Variants in FASN observed in about 807,000 individuals in gnomAD.
FASN encodes the protein 3-hydroxyacyl-[acyl-carrier-protein] dehydratase.
FASN carries 50 observed loss-of-function variants against 250.0 expected under a neutral mutation model. That is an observed-to-expected ratio of 0.20 (90% confidence interval 0.16 to 0.25). The LOEUF (loss-of-function observed/expected upper bound fraction) is 0.25. FASN is among the 10% of genes least tolerant of loss of function. FASN has a pLI of 1.00. For missense variants in FASN, 3,031 were observed against 3,498.5 expected, an observed-to-expected ratio of 0.87 and a Z score of 3.37; for synonymous variants, 1,909 against 1,584.0, an observed-to-expected ratio of 1.21 and a Z score of -4.87.
Position 82,083,182 on chromosome 17 carries a change from G to A in FASN, c.5565+20C>T, listed in dbSNP as rs371754153. Reference sequence around the variant, plus strand: ...GACCAGAGCCTGGGGTGCCCGAGGCGCCGGGACTCCTCCCCTCACCTGCAC... The same window carrying A: ...GACCAGAGCCTGGGGTGCCCGAGGCACCGGGACTCCTCCCCTCACCTGCAC... On this transcript the variant is annotated intron_variant, in intron 32 of 42. Coordinates refer to ENST00000306749, the MANE Select transcript of FASN (RefSeq NM_004104.5). 38 of 1,611,670 alleles carry A rather than the reference G, an allele frequency of 2.4e-5. No individual in the cohort carries two copies. The highest frequency in any genetic ancestry group is 1.1e-4 in the African/African-American group (8 of 74,910).
intron 8 of FASN, 53 bp from the exon 9 acceptor site, chr17:82,091,737 T>A: frequency 6.8e-7 from 1 of 1,480,272 alleles, no homozygotes; most frequent in Non-Finnish European, 9.1e-7. Context: ...TACCACTGCC[T>A]GAGCTGGGGG....
Position 82,082,575 on chromosome 17 carries a change from G to T in FASN, c.5871C>A (p.Ala1957=). ...CCACGGGCCCAAGCTGCGCCGCCTC[G>T]GCAATGAGGCCCCGGGCCCCCTCCA... ...SSLEGARGLI[A]EAAQLGPVGG... Residue 1957 remains alanine, a synonymous_variant, in exon 34 of 43, where the codon GCC becomes GCA. Transcript: ENST00000306749. 1 of 1,609,518 alleles carries T rather than the reference G, an allele frequency of 6.2e-7. No homozygotes were observed.
chr17:82,080,947 G>T (rs1455239125), intron 38 of FASN, 25 bp from the exon 39 acceptor site: 2 of 1,573,524 alleles, frequency 1.3e-6, no homozygotes, highest in Admixed American at 3.7e-5. Flanking sequence ...GCAGATGCCA[G>T]GCTGGTCTGG....
chr17:82,081,782 G>A lies in FASN; in HGVS notation c.6225C>T (p.Thr2075=). 1 of 1,612,462 alleles carries A rather than the reference G, an allele frequency of 6.2e-7. No individual in the cohort carries two copies. Among genetic ancestry groups the A allele is most frequent in the Non-Finnish European group, 8.5e-7 (1 of 1,179,976 alleles). ...GCGTGCCACTGACGATCGTGTCGTT[G>A]GTGCTCATCGTCTCCACCAAAATGC... ...DVGILVETMS[T]NDTIVSGTLP... is the part of the protein sequence containing the mutation. The change falls in exon 37 of 43, where the codon ACC becomes ACT. Residue 2075 remains threonine (T), a synonymous_variant. Coordinates refer to ENST00000306749, the MANE Select transcript of FASN (RefSeq NM_004104.5).
In FASN at chr17:82,084,277, C is replaced by A; in HGVS notation, c.4876G>T (p.Val1626Phe). 1 of 1,611,852 alleles carries A rather than the reference C, an allele frequency of 6.2e-7. No homozygotes were observed. Among genetic ancestry groups the A allele is most frequent in the Non-Finnish European group, 8.5e-7 (1 of 1,179,560 alleles). Residue 1626 changes from valine (V) to phenylalanine (F), a missense_variant, in exon 28 of 43, where the codon GTC becomes TTC. By Grantham distance (50) the Val-to-Phe change is conservative. Coordinates refer to ENST00000306749, the MANE Select transcript of FASN (RefSeq NM_004104.5). The part of the protein sequence containing the change: ...LVPAKGLATS[V>F]LLSPDFLWDV... ...CAGAGGAAGTCCGGTGACAGCAGGACAGAGGTGGCCAGGCCCTTGGCAGGC... is the reference window on the plus strand; with the variant it reads ...CAGAGGAAGTCCGGTGACAGCAGGAAAGAGGTGGCCAGGCCCTTGGCAGGC...
Position 82,079,380 on chromosome 17 carries a change from C to T in FASN, c.7375G>A (p.Gly2459Ser). Residue 2459 changes from glycine (G) to serine (S), a missense_variant, in exon 42 of 43, where the codon GGC becomes AGC. By Grantham distance (56) the Gly-to-Ser change is moderately conservative. Transcript: ENST00000306749. Reference protein sequence around the residue: ...KTGGAYGEDLGADYNLSQVCD... With the variant: ...KTGGAYGEDLSADYNLSQVCD... ...ACCTGGGAGAGGTTGTAGTCCGCGC[C>T]CAGGTCCTCGCCGTAGGCGCCACCC... 1.2e-6 allele frequency: 2 copies of T among 1,612,984 alleles called. No homozygotes were observed. Among genetic ancestry groups the T allele is most frequent in the Non-Finnish European group, 1.7e-6 (2 of 1,179,994 alleles).
chr17:82,091,719 AC>A lies in FASN; in HGVS notation c.1030-36del, dbSNP rs530073963. 1.9e-4 allele frequency: 294 copies of A among 1,522,526 alleles called. No homozygotes were observed. In the African/African-American group the frequency reaches 3.6e-3, roughly 18 times the overall value. 94.3% of individuals were successfully genotyped at this position (1,522,526 alleles called of 1,614,324 possible). On this transcript the variant is annotated intron_variant, in intron 8 of 42. Coordinates refer to ENST00000306749, the MANE Select transcript of FASN (RefSeq NM_004104.5). ...TACGTGGTGGATGGGCAGCCGCCCC[AC>A]TCCCTCTACCACTGCCTGAGCTGGG...
intron 3 of FASN, chr17:82,094,135 C>T (rs896672342): frequency 1.6e-5 from 6 of 381,978 alleles, no homozygotes; most frequent in South Asian, 2.2e-5. Context: ...CTGGTGTCAC[C>T]GGCAGCTCTG....
In FASN at chr17:82,086,411, C is replaced by T. The variant is rs1186241813; in HGVS notation, c.3575G>A (p.Gly1192Glu). ...LSAACRLQLN[G>E]NLQLELAQVL... ...CTGCGCCAGCTCCAGCTGCAGGTTC[C>T]CGTTGAGCTGAAGCCTGCAGGCAGC... Residue 1192 changes from glycine (G) to glutamate (E), a missense_variant, in exon 22 of 43, where the codon GGG becomes GAG. Gly to Glu is a moderately conservative substitution (Grantham distance 98). Coordinates refer to ENST00000306749, the MANE Select transcript of FASN (RefSeq NM_004104.5). The T allele has an allele frequency of 6.2e-7, 1 of 1,611,214 alleles. No individual in the cohort carries two copies. The highest frequency in any genetic ancestry group is 8.5e-7 in the Non-Finnish European group (1 of 1,179,904).
chr17:82,090,626 C>G, intron 10 of FASN, 62 bp from the exon 11 acceptor site: 2 of 1,467,688 alleles, frequency 1.4e-6, no homozygotes, highest in Non-Finnish European at 1.9e-6. Context: ...TGGGGGCGGC[C>G]CCCGGCCCCA....
At position 82,087,828 on chromosome 17, in the gene FASN, C is replaced by T. The variant is rs755349932; in HGVS notation, c.2900G>A (p.Arg967Lys). The T allele has an allele frequency of 5.6e-6, 9 of 1,612,532 alleles. No homozygotes were observed. The Admixed American group carries it at 8.3e-5, about 15-fold the overall frequency. ...GGGGCTTTCCGGGTGGTCGAAGAGC[C>T]TGGGGTCAGGGTCATCCCACTGGTA... ...KVYQWDDPDP[R>K]LFDHPESPTP... is the part of the protein sequence containing the mutation. The change falls in exon 19 of 43, where the codon AGG becomes AAG. Residue 967 changes from arginine (R) to lysine (K), a missense_variant. Transcript: ENST00000306749.
chr17:82,085,412 C>T lies in FASN; in HGVS notation c.4123-10G>A, dbSNP rs573497934. The T allele has an allele frequency of 1.6e-5, 26 of 1,607,708 alleles. No individual in the cohort carries two copies. The Middle Eastern group carries it at 8.7e-4, about 54-fold the overall frequency. Reference sequence around the variant, plus strand: ...GGCTCTCCCACGCGTCCTGTGGGGGCGGTGGTCAGCACCCTGCCCGCCTGG... The same window carrying T: ...GGCTCTCCCACGCGTCCTGTGGGGGTGGTGGTCAGCACCCTGCCCGCCTGG... On this transcript the variant is annotated splice_polypyrimidine_tract_variant and intron_variant, in intron 23 of 42. Transcript: ENST00000306749.
rs942531782 is a variant in FASN, at chr17:82,084,363, C to T, written c.4790G>A (p.Ser1597Asn). The change falls in exon 28 of 43, where the codon AGC becomes AAC. Residue 1597 changes from serine to asparagine, a missense_variant. Transcript: ENST00000306749. ...GCCCGAGAACTCCATACCTAGCAGG[C>T]TGTCCTGGGAGGTCCACTTCCCTGG... is the stretch of plus-strand genomic sequence containing the variant. ...AIPGKWTSQD[S>N]LLGMEFSGRD... 7 of 1,607,622 alleles carry T rather than the reference C, an allele frequency of 4.4e-6. No homozygotes were observed. In the African/African-American group the frequency reaches 9.4e-5, roughly 21 times the overall value.
At chr17:82,084,989 G>C (rs1479949980) in intron 25 of FASN, 36 bp from the exon 26 acceptor site, 4 of 1,579,040 alleles carry the variant, frequency 2.5e-6, no homozygotes, top group Admixed American at 1.8e-5. Context: ...GCTGGGGATG[G>C]GGAGGCTGGT....
At position 82,078,716 on chromosome 17, in the gene FASN, G is replaced by A; in HGVS notation, c.*427C>T. On this transcript the variant is annotated 3_prime_UTR_variant, in exon 43 of 43. Coordinates refer to ENST00000306749, the MANE Select transcript of FASN (RefSeq NM_004104.5). This position sits in a 1 kb window ranked among gnomAD's most constrained non-coding sequence, Gnocchi z 5.4. ...GCTTGGGTGGCTGCCCGCGCCCGCA[G>A]GGGACATCGGGGAAATGGGGGCAGA... 1 of 262,066 alleles carries A rather than the reference G, an allele frequency of 3.8e-6. No individual in the cohort carries two copies. The highest frequency in any genetic ancestry group is 7.5e-6 in the Non-Finnish European group (1 of 132,792). 16.2% of individuals were successfully genotyped at this position (262,066 alleles called of 1,614,324 possible).
At chr17:82,088,710 C>T (rs768662185) in intron 15 of FASN, 51 bp downstream of exon 15, 2 of 1,561,838 alleles carry the variant, frequency 1.3e-6, no homozygotes, top group Non-Finnish European at 8.8e-7. Context: ...TCACCCACCC[C>T]ACGCCGTCCC....
At chr17:82,083,913 G>T in intron 29 of FASN, 22 bp from the exon 30 acceptor site, 1 of 1,555,458 alleles carries the variant, frequency 6.4e-7, no homozygotes. Flanking sequence ...AGGAAGCGCG[G>T]CTGGTGAGCC....
intron 3 of FASN, chr17:82,094,092 G>A (rs2034264154): frequency 3.4e-5 from 16 of 467,694 alleles, no homozygotes; most frequent in South Asian, 3.3e-4. Flanking sequence ...AAGGACAGAG[G>A]GCAGCATTGT....
intron 8 of FASN, 47 bp from the exon 9 acceptor site, chr17:82,091,731 A>C (rs756747490): frequency 1.3e-6 from 2 of 1,498,752 alleles, no homozygotes; most frequent in African/African-American, 1.4e-5. Flanking sequence ...TCCCTCTACC[A>C]CTGCCTGAGC....
Sources: allele counts gnomAD v4.1 joint callset, GRCh38; gene constraint gnomAD v4.1.1; non-coding constraint Gnocchi (gnomAD v3.1); transcripts MANE v1.5; gene names NCBI Gene and HGNC (gene_info 2026-07-23, HGNC 2026-07-21).